Variants in CEP128 observed in about 807,000 individuals in gnomAD.
CEP128 encodes centrosomal protein 128kDa.
CEP128 carries 132 observed loss-of-function variants against 156.7 expected under a neutral mutation model. That is an observed-to-expected ratio of 0.84 (90% CI 0.73 to 0.97). The LOEUF (loss-of-function observed/expected upper bound fraction) is 0.97. Ranked by LOEUF, CEP128 falls within the 50% of genes least tolerant of loss-of-function variation. The probability of loss-of-function intolerance (pLI) is 0.00; values close to 1 mark genes in which losing one functional copy is unlikely to be tolerated. For missense variants in CEP128, 1,252 were observed against 1,281.9 expected, an observed-to-expected ratio of 0.98 and a Z score of 0.36; for synonymous variants, 469 against 448.9, an observed-to-expected ratio of 1.04 and a Z score of -0.57.
intron 19 of CEP128, among the ~76,000 whole-genome samples, chr14:80,628,545 C>G (rs1893829133): frequency 6.6e-6 from 1 of 152,156 alleles, no homozygotes; most frequent in South Asian, 2.1e-4. Context: ...GCTGTTTTTG[C>G]CTGTCCATTT....
rs946180690 is a variant in CEP128, at chr14:80,784,888, G to A, written c.2211+7C>T. The stretch of plus-strand genomic sequence containing the variant: ...TCAGTATCATCAGGATAATTTAGCA[G>A]AGGTACCTTCAGAGTCCTGATATGA... On this transcript the variant is annotated splice_region_variant and intron_variant, in intron 15 of 24. Transcript: ENST00000555265. The A allele has an allele frequency of 2.5e-6, 4 of 1,589,732 alleles. No individual in the cohort carries two copies. Among genetic ancestry groups the A allele is most frequent in the Admixed American group, 1.8e-5 (1 of 56,444 alleles).
chr14:80,874,921 T>C (rs140127097), intron 8 of CEP128, among the ~76,000 whole-genome samples: 1,942 of 152,286 alleles, frequency 0.013, 19 homozygotes, highest in Middle Eastern at 0.041. Flanking sequence ...CCTGGCCAAA[T>C]ATAACTGTTT....
downstream of CEP128, among the ~76,000 whole-genome samples, chr14:80,492,293 T>C (rs1887351069): frequency 6.6e-6 from 1 of 152,168 alleles, no homozygotes; most frequent in African/African-American, 2.4e-5. Flanking sequence ...TGAAGAATAA[T>C]GATCTCATTT....
chr14:80,847,282 T>C (rs1200440488), intron 9 of CEP128, among the ~76,000 whole-genome samples: 2 of 152,158 alleles, frequency 1.3e-5, no homozygotes, highest in South Asian at 4.1e-4. Flanking sequence ...CTGTGCCAAA[T>C]AGTGTTCAAA....
chr14:80,941,227 G>A (rs1380886948), intron 1 of CEP128, among the ~76,000 whole-genome samples: 1 of 152,184 alleles, frequency 6.6e-6, no homozygotes, highest in African/African-American at 2.4e-5. Flanking sequence ...GCAAATGTCA[G>A]ACGGTCCTCT....
In CEP128 at chr14:80,831,294, C is replaced by G; in HGVS notation, c.1058G>C (p.Gly353Ala). 1 of 1,613,748 alleles carries G rather than the reference C, an allele frequency of 6.2e-7. No homozygotes were observed. The highest frequency in any genetic ancestry group is 1.1e-5 in the South Asian group (1 of 91,048). The change falls in exon 13 of 25, where the codon GGG becomes GCG. Residue 353 changes from glycine to alanine, a missense_variant and splice_region_variant. Gly to Ala is a moderately conservative substitution (Grantham distance 60, BLOSUM62 0). Coordinates refer to ENST00000555265, the MANE Select transcript of CEP128 (RefSeq NM_152446.5). The part of the protein sequence containing the change: ...EQGEDWRFRR[G>A]VEREKQDLEK... ...CAGGTCCTGTTTTTCCCGCTCAACC[C>G]CTTAAAAGATAAAATGTAAGGCTCA...
chr14:80,692,457 AT>A (rs947537616), intron 19 of CEP128, among the ~76,000 whole-genome samples: 2 of 152,176 alleles, frequency 1.3e-5, no homozygotes, highest in Non-Finnish European at 2.9e-5. Context: ...ATACAAGCAG[AT>A]ACAATTAGCA....
At chr14:80,947,994 T>C (rs1886381975) in intron 2 of CEP128, among the ~76,000 whole-genome samples, 1 of 152,198 alleles carries the variant, frequency 6.6e-6, no homozygotes, top group African/African-American at 2.4e-5. Context: ...CCAACACAGA[T>C]GGTCAAGCTC....
chr14:80,566,162 T>A (rs190583810), intron 20 of CEP128, among the ~76,000 whole-genome samples: 7,548 of 152,204 alleles, frequency 0.05, 261 homozygotes, highest in Middle Eastern at 0.11. Context: ...AAAAATCCAC[T>A]CAACTTCACC....
chr14:80,647,037 G>GTATATA (rs60895994), intron 19 of CEP128, among the ~76,000 whole-genome samples: 3 of 69,608 alleles, frequency 4.3e-5, no homozygotes, highest in Non-Finnish European at 8.6e-5. Context: ...ATGTGTGCAT[G>GTATATA]TATATATATA....
At chr14:80,599,154 T>C (rs1892469557) in intron 19 of CEP128, among the ~76,000 whole-genome samples, 1 of 152,116 alleles carries the variant, frequency 6.6e-6, no homozygotes, top group Non-Finnish European at 1.5e-5. Flanking sequence ...CAATGACAGA[T>C]AATGGATCTT....
intron 19 of CEP128, among the ~76,000 whole-genome samples, chr14:80,645,569 C>T (rs1894598885): frequency 6.6e-6 from 1 of 152,068 alleles, no homozygotes; most frequent in Admixed American, 6.6e-5. Context: ...ATCATGGCAC[C>T]AAAAGCTGGT....
At chr14:80,904,765 G>C in intron 6 of CEP128, 48 bp downstream of exon 6, 1 of 1,001,590 alleles carries the variant, frequency 1.0e-6, no homozygotes, top group East Asian at 2.4e-5. Context: ...ATATACAATA[G>C]AAGCATAAGG....
intron 19 of CEP128, among the ~76,000 whole-genome samples, chr14:80,620,433 A>G (rs1438019865): frequency 6.6e-6 from 1 of 152,220 alleles, no homozygotes. Flanking sequence ...TACCAAATAC[A>G]TAAAATAGTA....
Position 80,782,288 on chromosome 14 carries a change from G to A in CEP128, c.2211+2607C>T, listed in dbSNP as rs762050271. ...TTTCCCAACTACCTTCACCAACATC[G>A]CACAACAGCAACCACTGCATGACCA... On this transcript the variant is annotated intron_variant, in intron 15 of 24. Coordinates refer to ENST00000555265, the MANE Select transcript of CEP128 (RefSeq NM_152446.5). Among the ~76,000 whole-genome samples the A allele has an allele frequency of 5.3e-5, 8 of 152,154 alleles. No homozygotes were observed. In the East Asian group the frequency reaches 5.8e-4, roughly 11 times the overall value.
intron 8 of CEP128, among the ~76,000 whole-genome samples, chr14:80,874,090 C>T (rs1015975628): frequency 5.3e-5 from 8 of 152,144 alleles, no homozygotes; most frequent in African/African-American, 1.9e-4. Context: ...CAAGCATGTT[C>T]ACAAGATGTA....
chr14:80,683,584 A>T (rs1005376516), intron 19 of CEP128, among the ~76,000 whole-genome samples: 10 of 152,146 alleles, frequency 6.6e-5, no homozygotes, highest in Non-Finnish European at 8.8e-5. Context: ...AAACTAACAA[A>T]TTCTAGACTT....
intron 13 of CEP128, among the ~76,000 whole-genome samples, chr14:80,807,165 C>T (rs972182097): frequency 2.6e-5 from 4 of 151,974 alleles, no homozygotes; most frequent in Non-Finnish European, 5.9e-5. Context: ...TGCATCAACA[C>T]CTTCCCCATA....
At chr14:80,914,298 A>G (rs892140055) in intron 4 of CEP128, 24 bp downstream of exon 4, 2 of 1,578,690 alleles carry the variant, frequency 1.3e-6, no homozygotes, top group African/African-American at 2.7e-5. Flanking sequence ...GTAGGAGAAA[A>G]TGCAAACAAA....
Sources: allele counts gnomAD v4.1 joint callset (sites outside exome capture counted in the v4.1 genomes callset), GRCh38; gene constraint gnomAD v4.1.1; transcripts MANE v1.5; gene names NCBI Gene and HGNC (gene_info 2026-07-23, HGNC 2026-07-21).